Variants in FBXO9 observed in about 807,000 individuals in gnomAD.
The protein encoded by FBXO9 is F-box protein 9.
In FBXO9, 43 loss-of-function variants were observed where a neutral mutation model predicts 63.7. The observed-to-expected ratio is 0.67, with a 90% CI of 0.53 to 0.87. The LOEUF is 0.87. FBXO9 is among the 40% of genes least tolerant of loss of function. The pLI, the probability that FBXO9 is intolerant of heterozygous loss-of-function variation, is 0.00. For synonymous variants in FBXO9, 156 were observed against 171.7 expected, an observed-to-expected ratio of 0.91 and a Z score of 0.72; for missense variants, 442 against 533.2, an observed-to-expected ratio of 0.83 and a Z score of 1.68.
chr6:53,079,136 G>A (rs1208082882), intron 5 of FBXO9, among the ~76,000 whole-genome samples: 4 of 151,678 alleles, frequency 2.6e-5, no homozygotes, highest in African/African-American at 7.3e-5. Flanking sequence ...ACAAAAAAAC[G>A]GTTTAAAAAA....
At position 53,082,505 on chromosome 6, in the gene FBXO9, G is replaced by A. The variant is rs1420700779; in HGVS notation, c.540G>A (p.Val180=). 6.2e-7 allele frequency: 1 copy of A among 1,608,118 alleles called. No homozygotes were observed. Among genetic ancestry groups the A allele is most frequent in the Non-Finnish European group, 8.5e-7 (1 of 1,175,972 alleles). The change falls in exon 7 of 13, where the codon GTG becomes GTA. Residue 180 remains valine (V), a splice_region_variant and synonymous_variant. Coordinates refer to ENST00000323557, the MANE Select transcript of FBXO9 (RefSeq NM_033480.3). The stretch of plus-strand genomic sequence containing the variant: ...CTGAAGGATGATTTTCTTTTGCAGT[G>A]CTGCCAATGGAGGTCCTGATGTACA... ...ELESSQIHIS[V]LPMEVLMYIF... is the part of the protein sequence containing the mutation.
At chr6:53,079,834 T>C (rs947075321) in intron 5 of FBXO9, among the ~76,000 whole-genome samples, 4 of 152,172 alleles carry the variant, frequency 2.6e-5, no homozygotes, top group African/African-American at 9.6e-5. Flanking sequence ...GTATTAACAC[T>C]TAAGCTTTGG....
chr6:53,082,599 G>A lies in FBXO9; in HGVS notation c.634G>A (p.Gly212Arg). The A allele has an allele frequency of 6.2e-7, 1 of 1,613,236 alleles. No individual in the cohort carries two copies. Among genetic ancestry groups the A allele is most frequent in the Non-Finnish European group, 8.5e-7 (1 of 1,179,404 alleles). ...GGAGCAGTTGTCGCTGGTGTGCAGA[G>A]GATTCTACATCTGTGCCAGGTACTA... ...SLEQLSLVCR[G>R]FYICARDPEI... The change falls in exon 7 of 13, where the codon GGA becomes AGA. Residue 212 changes from glycine to arginine, a missense_variant. By Grantham distance (125) the Gly-to-Arg change is moderately radical. Around this residue, in one of 2 missense-constraint regions of FBXO9, gnomAD observed 262 missense variants for 362.1 expected, o/e 0.72. Transcript: ENST00000323557.
intron 1 of FBXO9, chr6:53,067,898 T>G (rs554063322): frequency 6.6e-6 from 1 of 152,352 alleles, no homozygotes; most frequent in East Asian, 1.9e-4. Context: ...CATTTATTTC[T>G]TCACAGATGT....
chr6:53,092,490 G>A lies in FBXO9; in HGVS notation c.715G>A (p.Val239Ile). The change falls in exon 8 of 13, where the codon GTT (valine) becomes ATT (isoleucine). Residue 239 changes from valine to isoleucine, a missense_variant. Val to Ile is a conservative substitution (Grantham distance 29, BLOSUM62 3). Coordinates refer to ENST00000323557, the MANE Select transcript of FBXO9 (RefSeq NM_033480.3). The stretch of plus-strand genomic sequence containing the variant: ...TTGGGGCAGAAGCTGTATTAAACTT[G>A]TTCCGTACACGTCCTGGAGAGAGAT... ...KVWGRSCIKL[V>I]PYTSWREMFL... is the part of the protein sequence containing the mutation. 1 of 1,613,982 alleles carries A rather than the reference G, an allele frequency of 6.2e-7. No individual in the cohort carries two copies. The highest frequency in any genetic ancestry group is 1.3e-5 in the African/African-American group (1 of 75,032).
At chr6:53,083,793 T>C (rs1422124777) in intron 7 of FBXO9, among the ~76,000 whole-genome samples, 1 of 152,242 alleles carries the variant, frequency 6.6e-6, no homozygotes, top group Non-Finnish European at 1.5e-5. Context: ...ATTTTTATTT[T>C]AACAACTTTC....
intron 2 of FBXO9, among the ~76,000 whole-genome samples, chr6:53,072,619 A>G (rs1768961375): frequency 6.6e-6 from 1 of 152,238 alleles, no homozygotes; most frequent in Admixed American, 6.5e-5. Flanking sequence ...GTGTTTTCAG[A>G]TAGAACTCTC....
intron 7 of FBXO9, among the ~76,000 whole-genome samples, chr6:53,089,919 G>A (rs1762999031): frequency 1.3e-5 from 2 of 152,194 alleles, no homozygotes; most frequent in South Asian, 2.1e-4. Context: ...TTCAGATCCC[G>A]CTTCTGACAC....
At position 53,099,215 on chromosome 6, in the gene FBXO9, C is replaced by T. The variant is rs1162595168; in HGVS notation, c.*1385C>T. The stretch of plus-strand genomic sequence containing the variant: ...CAGCCTGGGCAACATGGCAAAACAC[C>T]GTCTCTACAAAAAAAAAAAAAAAAA... On this transcript the variant is annotated 3_prime_UTR_variant, in exon 13 of 13. Coordinates refer to ENST00000323557, the MANE Select transcript of FBXO9 (RefSeq NM_033480.3). 6 of 143,994 alleles carry T rather than the reference C, an allele frequency of 4.2e-5. No homozygotes were observed. The highest frequency in any genetic ancestry group is 1.3e-4 in the African/African-American group (5 of 38,366). The allele number at this position is 143,994 out of a possible 1,614,324, so 8.9% of individuals were successfully genotyped here. A position where few individuals can be genotyped will look rare whatever the true frequency, so the allele number is the denominator to read the frequency against.
Position 53,092,771 on chromosome 6 carries a change from G to A in FBXO9, c.810G>A (p.Gly270=). The change falls in exon 9 of 13, where the codon GGG becomes GGA. Residue 270 remains glycine (G), a synonymous_variant. Transcript: ENST00000323557. The stretch of plus-strand genomic sequence containing the variant: ...GTAAAACCACATATATTCGTCAAGG[G>A]GAACAGTCTCTTGATGGTTTCTATA... ...YISKTTYIRQ[G]EQSLDGFYRA... is the part of the protein sequence containing the mutation. The A allele has an allele frequency of 6.2e-7, 1 of 1,612,500 alleles. No homozygotes were observed. Among genetic ancestry groups the A allele is most frequent in the Non-Finnish European group, 8.5e-7 (1 of 1,179,058 alleles).
intron 1 of FBXO9, 93 bp from the exon 2 acceptor site, chr6:53,070,964 A>G (rs918372230): frequency 1.4e-5 from 21 of 1,539,110 alleles, no homozygotes; most frequent in Admixed American, 2.0e-5. Flanking sequence ...ACAGTATGGT[A>G]CTAAATAGAA....
In FBXO9 at chr6:53,066,653, C is replaced by T. The variant is rs146494597; in HGVS notation, c.3+861C>T. The stretch of plus-strand genomic sequence containing the variant: ...CTGGAGGATAGAAAAGGCAATTGCC[C>T]CTGCCCCTAAACTTTCAGAAGTAGT... On this transcript the variant is annotated intron_variant, in intron 1 of 12. Coordinates refer to ENST00000323557, the MANE Select transcript of FBXO9 (RefSeq NM_033480.3). Among the ~76,000 whole-genome samples, 6 of 152,204 alleles carry T rather than the reference C, an allele frequency of 3.9e-5. No individual in the cohort carries two copies. In the East Asian group the frequency reaches 1.2e-3, roughly 29 times the overall value.
At chr6:53,084,859 A>C (rs768383880) in intron 7 of FBXO9, among the ~76,000 whole-genome samples, 1 of 152,136 alleles carries the variant, frequency 6.6e-6, no homozygotes, top group Non-Finnish European at 1.5e-5. Flanking sequence ...CTAGGAAGTC[A>C]AAGAGAGGTA....
chr6:53,073,836 C>T (rs1174937119), intron 3 of FBXO9, 197 bp downstream of exon 3: 3 of 426,080 alleles, frequency 7.0e-6, no homozygotes, highest in Non-Finnish European at 4.2e-6. Context: ...GGTACCACTA[C>T]TCCTGCATGG....
In FBXO9 at chr6:53,076,788, TA is replaced by T. The variant is rs1470272183; in HGVS notation, c.307+246del. Among the ~76,000 whole-genome samples the T allele has an allele frequency of 9.6e-5, 5 of 52,216 alleles. No individual in the cohort carries two copies. In the South Asian group the frequency reaches 2.8e-3, roughly 29 times the overall value. 34.3% of individuals were successfully genotyped at this position (52,216 alleles called of 152,430 possible). ...TATTATGTAAATAGTTATTATACTG[TA>T]TTTTTTTTTTAAATTTGTATTTATT... On this transcript the variant is annotated intron_variant, in intron 4 of 12. Transcript: ENST00000323557.
At chr6:53,086,872 A>G (rs1762903765) in intron 7 of FBXO9, among the ~76,000 whole-genome samples, 1 of 152,262 alleles carries the variant, frequency 6.6e-6, no homozygotes, top group African/African-American at 2.4e-5. Context: ...GTTCAAGACC[A>G]GCCTGGACAA....
At chr6:53,076,615 T>G in intron 4 of FBXO9, 72 bp downstream of exon 4, 1 of 1,109,716 alleles carries the variant, frequency 9.0e-7, no homozygotes, top group Non-Finnish European at 1.2e-6. Flanking sequence ...CATATTTTTT[T>G]TTCTATAACT....
chr6:53,088,285 A>C (rs1422429587), intron 7 of FBXO9, among the ~76,000 whole-genome samples: 5 of 152,202 alleles, frequency 3.3e-5, no homozygotes, highest in Non-Finnish European at 5.9e-5. Context: ...GCAGATTCAA[A>C]GTGTGAAGAA....
chr6:53,094,535 CA>C (rs1763149839), intron 11 of FBXO9, among the ~76,000 whole-genome samples: 1 of 152,162 alleles, frequency 6.6e-6, no homozygotes, highest in African/African-American at 2.4e-5. Flanking sequence ...TGCACGTTTT[CA>C]ATCCTGGTTA....
Sources: gnomAD v4.1 joint callset for allele counts (sites outside exome capture counted in the v4.1 genomes callset) on GRCh38, gnomAD v4.1.1 for gene constraint, gnomAD v4.1.1 regional missense constraint, MANE v1.5 for transcripts, NCBI Gene and HGNC (gene_info 2026-07-23, HGNC 2026-07-21) for gene names.